DISC1: variants seen among roughly 807,000 people sequenced by gnomAD.
DISC1 encodes the protein DISC1 scaffold protein.
Under a neutral mutation model 84.5 loss-of-function variants are expected in DISC1, and 57 were observed. That is an observed-to-expected ratio of 0.67 (90% CI 0.55 to 0.84). The LOEUF (loss-of-function observed/expected upper bound fraction) is 0.84, where lower values mean the gene tolerates loss of function less well. Ranked by LOEUF, DISC1 falls within the 40% of genes least tolerant of loss-of-function variation. The pLI, the probability that DISC1 is intolerant of heterozygous loss-of-function variation, is 0.00. For missense variants in DISC1, 1,000 were observed against 1,057.8 expected (o/e 0.95, Z 0.76); for synonymous variants, 411 against 415.2 (o/e 0.99, Z 0.12).
At chr1:231,972,068 C>T (rs4658971) in intron 10 of DISC1, among the ~76,000 whole-genome samples, 23,123 of 151,984 alleles carry the variant, frequency 0.15, 3,531 homozygotes, top group African/African-American at 0.39. Context: ...CAGTGCAGAG[C>T]GGTAATTACG....
At position 231,640,314 on chromosome 1, in the gene DISC1, C is replaced by T. The variant is rs115383001; in HGVS notation, c.67+13380C>T. Among the ~76,000 whole-genome samples the T allele has an allele frequency of 2.6e-5, 4 of 152,138 alleles. No homozygotes were observed. In the South Asian group the frequency reaches 8.3e-4, roughly 32 times the overall value. ...TTGGTCTCTGAGCCACCAGGTATAG[C>T]GCTGCATAATGGAAGAACAGATGAA... is the stretch of plus-strand genomic sequence containing the variant. On this transcript the variant is annotated intron_variant, in intron 1 of 12. Coordinates refer to ENST00000439617, the MANE Select transcript of DISC1 (RefSeq NM_018662.3).
At chr1:231,671,563 A>T (rs1206698946) in intron 1 of DISC1, among the ~76,000 whole-genome samples, 1 of 151,646 alleles carries the variant, frequency 6.6e-6, no homozygotes, top group Non-Finnish European at 1.5e-5. Context: ...ACATGCTTGA[A>T]CTCTCCATTC....
Position 232,039,544 on chromosome 1 carries a change from T to C in DISC1, c.*2713T>C, listed in dbSNP as rs760893287. The C allele has an allele frequency of 6.6e-6, 1 of 152,130 alleles. No individual in the cohort carries two copies. The highest frequency in any genetic ancestry group is 1.5e-5 in the Non-Finnish European group (1 of 68,042). 9.4% of individuals were successfully genotyped at this position (152,130 alleles called of 1,614,324 possible). ...GCCATAACTCATCTGTTGTCTTTGCTTGGTCTTAGAGTATCATTCAGAAAG... is the reference window on the plus strand; with the variant it reads ...GCCATAACTCATCTGTTGTCTTTGCCTGGTCTTAGAGTATCATTCAGAAAG... On this transcript the variant is annotated 3_prime_UTR_variant, in exon 13 of 13. Transcript: ENST00000439617.
intron 1 of DISC1, among the ~76,000 whole-genome samples, chr1:231,645,232 C>CT (rs1485823873): frequency 2.0e-5 from 3 of 152,144 alleles, no homozygotes; most frequent in African/African-American, 7.2e-5. Flanking sequence ...TTCTTTCACC[C>CT]TGGCTAACTG....
At position 232,034,474 on chromosome 1, in the gene DISC1, G is replaced by A. The variant is rs61650608; in HGVS notation, c.2426-2218G>A. Among the ~76,000 whole-genome samples the A allele has an allele frequency of 5.8e-3, 876 of 152,276 alleles. 52 individuals carry two copies. In the East Asian group the frequency reaches 0.13, roughly 23 times the overall value. ...CTGTGTTAGCGATTGTTGTATGAGCGGCTGATGTGTTAATTTAGTTATAGA... is the reference window on the plus strand; with the variant it reads ...CTGTGTTAGCGATTGTTGTATGAGCAGCTGATGTGTTAATTTAGTTATAGA... On this transcript the variant is annotated intron_variant, in intron 12 of 12. Transcript: ENST00000439617.
At chr1:231,866,781 A>G in intron 9 of DISC1, 1 of 1,181,854 alleles carries the variant, frequency 8.5e-7, no homozygotes, top group Non-Finnish European at 1.1e-6. Flanking sequence ...GAAAGGGTAT[A>G]ATTAATCTGT....
At chr1:231,887,951 C>A (rs1185046473) in intron 9 of DISC1, among the ~76,000 whole-genome samples, 1 of 152,180 alleles carries the variant, frequency 6.6e-6, no homozygotes, top group Non-Finnish European at 1.5e-5. Context: ...CAGCTACACA[C>A]ACCAACATGG....
chr1:231,760,276 C>G (rs1198680698), intron 4 of DISC1, among the ~76,000 whole-genome samples: 1 of 152,092 alleles, frequency 6.6e-6, no homozygotes, highest in Admixed American at 6.5e-5. Flanking sequence ...TTTAGGGCAT[C>G]GTTTATTGAA....
At chr1:231,800,391 A>G (rs1313376975) in intron 8 of DISC1, among the ~76,000 whole-genome samples, 181 bp downstream of exon 8, 1 of 152,166 alleles carries the variant, frequency 6.6e-6, no homozygotes, top group African/African-American at 2.4e-5. Context: ...TTAAGTGAGT[A>G]CCGTATTTGG....
intron 6 of DISC1, among the ~76,000 whole-genome samples, chr1:231,787,521 C>G (rs1488961811): frequency 1.3e-5 from 2 of 152,116 alleles, no homozygotes; most frequent in African/African-American, 4.8e-5. Context: ...CCCACTCCCC[C>G]AGTAATGATA....
intron 6 of DISC1, among the ~76,000 whole-genome samples, chr1:231,791,308 C>CT (rs2078332448): frequency 2.0e-5 from 3 of 152,116 alleles, no homozygotes; most frequent in African/African-American, 7.2e-5. Flanking sequence ...TATTGTTCAA[C>CT]AGTTAGGAGA....
In DISC1 at chr1:231,768,819, A is replaced by C. The variant is rs142999357; in HGVS notation, c.1398+1550A>C. The stretch of plus-strand genomic sequence containing the variant: ...GATAAGAGCTTCACAGAGTAGACTA[A>C]GATGATGTGGAAGAGGATGGAGTCT... On this transcript the variant is annotated intron_variant, in intron 5 of 12. Coordinates refer to ENST00000439617, the MANE Select transcript of DISC1 (RefSeq NM_018662.3). Among the ~76,000 whole-genome samples the C allele has an allele frequency of 2.0e-5, 3 of 152,342 alleles. No homozygotes were observed. In the East Asian group the frequency reaches 5.8e-4, roughly 29 times the overall value.
intron 3 of DISC1, among the ~76,000 whole-genome samples, chr1:231,706,218 C>T (rs1256972066): frequency 2.0e-5 from 3 of 152,142 alleles, no homozygotes; most frequent in Non-Finnish European, 1.5e-5. Flanking sequence ...CGTCCTTCTC[C>T]AAGAGGATTC....
intron 9 of DISC1, among the ~76,000 whole-genome samples, chr1:231,889,500 TA>T (rs1194082565): frequency 2.0e-5 from 3 of 152,182 alleles, no homozygotes; most frequent in African/African-American, 7.2e-5. Flanking sequence ...AACTAGACAG[TA>T]TGTTTGGTGA....
chr1:231,750,266 C>G, intron 4 of DISC1, 190 bp downstream of exon 4: 2 of 1,385,174 alleles, frequency 1.4e-6, no homozygotes, highest in East Asian at 2.6e-5. Context: ...TCATGCATCT[C>G]TAGAAAGAAG....
At chr1:231,998,906 G>A (rs969759724) in intron 10 of DISC1, among the ~76,000 whole-genome samples, 3 of 152,146 alleles carry the variant, frequency 2.0e-5, no homozygotes, top group African/African-American at 7.2e-5. Flanking sequence ...CTTCAGCGGT[G>A]GGATGGGGTA....
intron 9 of DISC1, chr1:231,944,896 TC>T (rs1252543855): frequency 6.6e-6 from 1 of 152,128 alleles, no homozygotes; most frequent in East Asian, 1.9e-4. Context: ...GAGCTAACTC[TC>T]CTAAATATAT....
In DISC1 at chr1:231,826,218, AG is replaced by A. The variant is rs1279066067; in HGVS notation, c.1981+7706del. Among the ~76,000 whole-genome samples, 1 of 149,392 alleles carries A rather than the reference AG, an allele frequency of 6.7e-6. No homozygotes were observed. The highest frequency in any genetic ancestry group is 2.6e-5 in the African/African-American group (1 of 38,892). ...GGAAGGATCCTGTCACAGAGCCTTCAGGGGGCAAGGCCACCATCTGAATCCC... is the reference window on the plus strand; with the variant it reads ...GGAAGGATCCTGTCACAGAGCCTTCAGGGGCAAGGCCACCATCTGAATCCC... On this transcript the variant is annotated intron_variant, in intron 9 of 12. Transcript: ENST00000439617. This position sits in a 1 kb window ranked among gnomAD's most constrained non-coding sequence, Gnocchi z 4.2.
intron 3 of DISC1, among the ~76,000 whole-genome samples, chr1:231,710,781 T>C (rs930592682): frequency 6.6e-6 from 1 of 152,160 alleles, no homozygotes; most frequent in Non-Finnish European, 1.5e-5. Flanking sequence ...TGTGACCTCA[T>C]TGAAACTGAA....
Sources: gnomAD v4.1 joint callset for allele counts (sites outside exome capture counted in the v4.1 genomes callset) on GRCh38, gnomAD v4.1.1 for gene constraint, Gnocchi (gnomAD v3.1) non-coding constraint, MANE v1.5 for transcripts, NCBI Gene and HGNC (gene_info 2026-07-23, HGNC 2026-07-21) for gene names.